EMCN: variants seen among roughly 807,000 people sequenced by gnomAD.
The protein encoded by EMCN is endomucin.
EMCN carries 37 observed loss-of-function variants against 38.4 expected under a neutral mutation model. The ratio of observed to expected loss-of-function variants is 0.96; its 90% CI spans 0.74 to 1.27. The LOEUF is 1.27. Ranked by LOEUF, EMCN falls within the 50% of genes most tolerant of loss-of-function variation. EMCN has a pLI of 0.00. For synonymous variants in EMCN, 95 were observed against 100.8 expected (o/e 0.94, Z 0.35); for missense variants, 318 against 302.8 (o/e 1.05, Z -0.37).
In EMCN at chr4:100,397,421, A is replaced by G. The variant is rs1202793358; in HGVS notation, c.*992T>C. The stretch of plus-strand genomic sequence containing the variant: ...TGATACAATGAAAAATAATATCATA[A>G]TTATGTATTTATAAAGTGTTGATTT... On this transcript the variant is annotated 3_prime_UTR_variant, in exon 12 of 12. Transcript: ENST00000296420. 6 of 152,292 alleles carry G rather than the reference A, an allele frequency of 3.9e-5. No homozygotes were observed. In the East Asian group the frequency reaches 1.2e-3, roughly 29 times the overall value. 9.4% of individuals were successfully genotyped at this position (152,292 alleles called of 1,614,324 possible). A position where few individuals can be genotyped will look rare whatever the true frequency, so the allele number is the denominator to read the frequency against.
chr4:100,508,036 GTGATAAC>G (rs1175316798), intron 1 of EMCN, among the ~76,000 whole-genome samples: 8 of 152,170 alleles, frequency 5.3e-5, no homozygotes, highest in Non-Finnish European at 1.0e-4. Context: ...AGCGTATCTA[GTGATAAC>G]AGGATGAAAA....
intron 5 of EMCN, among the ~76,000 whole-genome samples, chr4:100,439,802 T>G (rs1727459864): frequency 6.6e-6 from 1 of 152,024 alleles, no homozygotes; most frequent in Non-Finnish European, 1.5e-5. Context: ...TTTGCTACAT[T>G]TCATAGGTTT....
intron 4 of EMCN, among the ~76,000 whole-genome samples, chr4:100,454,234 T>C (rs1420206561): frequency 8.8e-6 from 1 of 113,346 alleles, no homozygotes; most frequent in Non-Finnish European, 1.7e-5. Context: ...TTTCAAGCCA[T>C]TAGCAAAAAA....
chr4:100,467,643 C>A (rs2110265989), intron 3 of EMCN, among the ~76,000 whole-genome samples: 1 of 139,314 alleles, frequency 7.2e-6, no homozygotes, highest in East Asian at 2.1e-4. Context: ...GATAGCGCCA[C>A]TGCAGTCCAG....
At chr4:100,515,892 C>T (rs1214635502) in intron 1 of EMCN, among the ~76,000 whole-genome samples, 7 of 152,188 alleles carry the variant, frequency 4.6e-5, no homozygotes, top group Admixed American at 1.3e-4. Context: ...ACAACAAAAT[C>T]ATACATGTAG....
chr4:100,457,817 A>G (rs1393283880), intron 4 of EMCN, among the ~76,000 whole-genome samples: 1 of 152,066 alleles, frequency 6.6e-6, no homozygotes, highest in Admixed American at 6.6e-5. Flanking sequence ...GTCTCATAGA[A>G]TGCATTTGAA....
intron 1 of EMCN, among the ~76,000 whole-genome samples, chr4:100,489,145 T>C (rs1305606650): frequency 6.6e-6 from 1 of 152,056 alleles, no homozygotes; most frequent in Non-Finnish European, 1.5e-5. Context: ...CAAATTCAGG[T>C]GATCTAGTCT....
intron 1 of EMCN, among the ~76,000 whole-genome samples, chr4:100,492,280 T>C (rs1729102221): frequency 2.0e-5 from 3 of 150,862 alleles, no homozygotes; most frequent in South Asian, 4.1e-4. Flanking sequence ...AACTGAAAAA[T>C]GCAATAGAAA....
At chr4:100,505,295 C>G (rs1477947708) in intron 1 of EMCN, among the ~76,000 whole-genome samples, 1 of 152,160 alleles carries the variant, frequency 6.6e-6, no homozygotes, top group Non-Finnish European at 1.5e-5. Context: ...TCTACAATCT[C>G]TCATCTCCAC....
At chr4:100,504,323 A>G (rs1229555991) in intron 1 of EMCN, among the ~76,000 whole-genome samples, 1 of 152,214 alleles carries the variant, frequency 6.6e-6, no homozygotes, top group Non-Finnish European at 1.5e-5. Flanking sequence ...TAGGATCGGG[A>G]GAGTTGTTAA....
intron 1 of EMCN, among the ~76,000 whole-genome samples, chr4:100,516,590 T>C (rs1338791058): frequency 6.6e-6 from 1 of 152,154 alleles, no homozygotes; most frequent in African/African-American, 2.4e-5. Flanking sequence ...GTAACTCTTC[T>C]AAGTGAAATT....
chr4:100,417,914 T>C (rs1726781404), intron 8 of EMCN, among the ~76,000 whole-genome samples: 1 of 152,218 alleles, frequency 6.6e-6, no homozygotes. Context: ...TTTATTCCAT[T>C]GCAGCTTCTG....
chr4:100,396,463 GT>G lies in EMCN; in HGVS notation c.*1949del, dbSNP rs1049805675. On this transcript the variant is annotated 3_prime_UTR_variant, in exon 12 of 12. Coordinates refer to ENST00000296420, the MANE Select transcript of EMCN (RefSeq NM_016242.4). ...AGAGTTCATTTCTTTGGAATATGCT[GT>G]ATGTAACATGGTTTTTGCTGAAGAG... 1 of 150,804 alleles carries G rather than the reference GT, an allele frequency of 6.6e-6. No individual in the cohort carries two copies. The highest frequency in any genetic ancestry group is 2.4e-5 in the African/African-American group (1 of 40,982). The allele number at this position is 150,804 out of a possible 1,614,324, so 9.3% of individuals were successfully genotyped here.
At chr4:100,482,923 C>A (rs1728849685) in intron 1 of EMCN, among the ~76,000 whole-genome samples, 1 of 152,132 alleles carries the variant, frequency 6.6e-6, no homozygotes, top group African/African-American at 2.4e-5. Context: ...AAGTGAATTT[C>A]TAACCACTGG....
At chr4:100,400,489 A>C (rs1051753045) in intron 11 of EMCN, among the ~76,000 whole-genome samples, 8 of 152,010 alleles carry the variant, frequency 5.3e-5, no homozygotes, top group Non-Finnish European at 1.2e-4. Flanking sequence ...TTACCATATT[A>C]TACTAAAATT....
chr4:100,449,238 G>A (rs963218730), intron 4 of EMCN, among the ~76,000 whole-genome samples: 1 of 152,008 alleles, frequency 6.6e-6, no homozygotes, highest in Non-Finnish European at 1.5e-5. Context: ...GATAATTATA[G>A]TTACTATTTG....
chr4:100,445,998 T>C, intron 5 of EMCN: 1 of 898,098 alleles, frequency 1.1e-6, no homozygotes, highest in Non-Finnish European at 1.3e-6. Context: ...CAAAAATCAA[T>C]TAAACTTATA....
intron 7 of EMCN, among the ~76,000 whole-genome samples, chr4:100,422,295 T>A (rs903177626): frequency 6.6e-6 from 1 of 152,092 alleles, no homozygotes; most frequent in Non-Finnish European, 1.5e-5. Context: ...GAAATCATTA[T>A]TGCCTCCCAA....
At chr4:100,463,874 A>G (rs1728246941) in intron 4 of EMCN, among the ~76,000 whole-genome samples, 1 of 152,036 alleles carries the variant, frequency 6.6e-6, no homozygotes, top group Non-Finnish European at 1.5e-5. Context: ...TTCTTTTTCA[A>G]AAGTGTTTTG....
Sources: allele counts gnomAD v4.1 joint callset (sites outside exome capture counted in the v4.1 genomes callset), GRCh38; gene constraint gnomAD v4.1.1; transcripts MANE v1.5; gene names NCBI Gene and HGNC (gene_info 2026-07-23, HGNC 2026-07-21).